The following ENTREP2 variants were observed in gnomAD, a reference collection of about 807,000 sequenced individuals.
ENTREP2 encodes the protein protein ENTREP2.
the ENTREP2 span, among the ~76,000 whole-genome samples, chr15:29,302,990 C>A: frequency 6.6e-6 from 1 of 152,146 alleles, no homozygotes; most frequent in Non-Finnish European, 1.5e-5. Flanking sequence ...CAGACCTGAC[C>A]AACTCTGCAT....
the ENTREP2 span, among the ~76,000 whole-genome samples, chr15:29,645,964 T>G: frequency 6.6e-6 from 1 of 152,306 alleles, no homozygotes; most frequent in East Asian, 1.9e-4. Flanking sequence ...GAGTGAAATA[T>G]GTGAGGTTTT....
At chr15:29,179,099 C>T in the ENTREP2 span, among the ~76,000 whole-genome samples, 6 of 152,324 alleles carry the variant, frequency 3.9e-5, no homozygotes, top group East Asian at 7.7e-4. Context: ...AAATAACAGG[C>T]TAAATTTGCC....
chr15:29,441,235 C>T, the ENTREP2 span, among the ~76,000 whole-genome samples: 1 of 152,202 alleles, frequency 6.6e-6, no homozygotes, highest in African/African-American at 2.4e-5. Context: ...TGTGACTCCA[C>T]TTCTGTGAGG....
At chr15:29,294,198 A>C in the ENTREP2 span, among the ~76,000 whole-genome samples, 1 of 152,320 alleles carries the variant, frequency 6.6e-6, no homozygotes, top group African/African-American at 2.4e-5. Context: ...GGAATGAGGA[A>C]ACAGGGAGGG....
chr15:29,598,992 G>A, the ENTREP2 span, among the ~76,000 whole-genome samples: 4 of 152,192 alleles, frequency 2.6e-5, no homozygotes, highest in South Asian at 2.1e-4. Flanking sequence ...CACGGCGCCT[G>A]GCCAAAGTGA....
chr15:29,187,133 T>A, the ENTREP2 span, among the ~76,000 whole-genome samples: 7 of 152,168 alleles, frequency 4.6e-5, no homozygotes, highest in Admixed American at 2.0e-4. Context: ...ACTGCATCCG[T>A]CATCCTACTC....
chr15:29,454,253 A>G, the ENTREP2 span, among the ~76,000 whole-genome samples: 1 of 152,346 alleles, frequency 6.6e-6, no homozygotes, highest in East Asian at 1.9e-4. Context: ...CTTGCCAACT[A>G]GAGTCCACTG....
At chr15:29,585,719 G>A in the ENTREP2 span, among the ~76,000 whole-genome samples, 7 of 152,166 alleles carry the variant, frequency 4.6e-5, no homozygotes, top group South Asian at 2.1e-4. Context: ...AGCCGGGCGC[G>A]GTGGCGGGCG....
chr15:29,283,456 C>T, the ENTREP2 span, among the ~76,000 whole-genome samples: 1 of 152,168 alleles, frequency 6.6e-6, no homozygotes, highest in African/African-American at 2.4e-5. Context: ...TCAAGTGATT[C>T]TCCTGTCTCA....
the ENTREP2 span, among the ~76,000 whole-genome samples, chr15:29,193,476 C>T: frequency 7.2e-5 from 11 of 152,312 alleles, no homozygotes; most frequent in South Asian, 6.2e-4. Context: ...AACCACTCCC[C>T]GCAGGTTCTT....
chr15:29,424,872 C>T, the ENTREP2 span, among the ~76,000 whole-genome samples: 24 of 152,346 alleles, frequency 1.6e-4, no homozygotes, highest in African/African-American at 5.5e-4. Context: ...ATGTCTGTGT[C>T]TCCAAGTATC....
chr15:29,302,146 A>G, the ENTREP2 span, among the ~76,000 whole-genome samples: 38 of 152,166 alleles, frequency 2.5e-4, no homozygotes, highest in Non-Finnish European at 4.6e-4. Flanking sequence ...TCATCTTCAT[A>G]TTGCAAATAT....
At chr15:29,159,307 T>G in the ENTREP2 span, among the ~76,000 whole-genome samples, 3 of 152,184 alleles carry the variant, frequency 2.0e-5, no homozygotes, top group Non-Finnish European at 4.4e-5. Flanking sequence ...GTGGTCTCGC[T>G]GGCTCCAGGA....
the ENTREP2 span, among the ~76,000 whole-genome samples, chr15:29,261,709 T>C: frequency 1.3e-5 from 2 of 152,166 alleles, no homozygotes; most frequent in South Asian, 4.1e-4. Flanking sequence ...AAAAGCATAG[T>C]TCAAATCCAA....
chr15:29,547,470 A>T, the ENTREP2 span, among the ~76,000 whole-genome samples: 1 of 152,216 alleles, frequency 6.6e-6, no homozygotes, highest in Non-Finnish European at 1.5e-5. Flanking sequence ...CAACAAGCAT[A>T]TGAAAAGATG....
chr15:29,455,604 TA>T, the ENTREP2 span, among the ~76,000 whole-genome samples: 9 of 152,216 alleles, frequency 5.9e-5, no homozygotes, highest in Non-Finnish European at 8.8e-5. Context: ...CCCTTCTCCA[TA>T]AAACTGCAAC....
chr15:29,402,275 T>G, the ENTREP2 span, among the ~76,000 whole-genome samples: 1 of 141,796 alleles, frequency 7.1e-6, no homozygotes, highest in Non-Finnish European at 1.5e-5. Flanking sequence ...TACACACACA[T>G]ATATATGTAT....
the ENTREP2 span, among the ~76,000 whole-genome samples, chr15:29,405,465 T>C: frequency 1.3e-5 from 2 of 151,892 alleles, no homozygotes; most frequent in African/African-American, 4.8e-5. Context: ...GCTTTCTTTA[T>C]CCCTTGGAGT....
chr15:29,640,688 G>A, the ENTREP2 span, among the ~76,000 whole-genome samples: 20 of 128,256 alleles, frequency 1.6e-4, no homozygotes, highest in African/African-American at 7.5e-4. Flanking sequence ...AAACCAAAAA[G>A]AAAAGAAAAG....
Sources: allele counts gnomAD v4.1 joint callset (sites outside exome capture counted in the v4.1 genomes callset), GRCh38; gene constraint gnomAD v4.1.1; transcripts MANE v1.5; gene names NCBI Gene and HGNC (gene_info 2026-07-23, HGNC 2026-07-21).